PCP4L1: variants seen among roughly 807,000 people sequenced by gnomAD.
PCP4L1 encodes Purkinje cell protein 4-like protein 1.
A neutral mutation model predicts 9.6 loss-of-function variants in PCP4L1; 9 were observed. That is an observed-to-expected ratio of 0.94 (90% CI 0.57 to 1.64). PCP4L1 has a LOEUF of 1.64. Among genes scored for constraint, PCP4L1 ranks in the 40% most tolerant of loss-of-function variants. The pLI is 0.00. For synonymous variants in PCP4L1, 31 were observed against 28.2 expected (o/e 1.10, Z -0.31); for missense variants, 81 against 80.8 (o/e 1.00, Z -0.01).
intron 1 of PCP4L1, among the ~76,000 whole-genome samples, chr1:161,263,323 C>T (rs1295228343): frequency 6.6e-6 from 1 of 152,150 alleles, no homozygotes; most frequent in Non-Finnish European, 1.5e-5. Context: ...CTGCAACCTC[C>T]ACCTCCGGGG....
At chr1:161,273,337 G>C (rs1226973679) in intron 1 of PCP4L1, among the ~76,000 whole-genome samples, 3 of 152,150 alleles carry the variant, frequency 2.0e-5, no homozygotes, top group Non-Finnish European at 4.4e-5. Context: ...TTTAGTCCTG[G>C]CTGGGGAGGG....
intron 1 of PCP4L1, among the ~76,000 whole-genome samples, chr1:161,269,690 G>A (rs1669590117): frequency 1.3e-5 from 2 of 152,114 alleles, no homozygotes; most frequent in Non-Finnish European, 1.5e-5. Flanking sequence ...ACAATGTAGA[G>A]CCTTTTAGGC....
intron 1 of PCP4L1, among the ~76,000 whole-genome samples, chr1:161,280,071 C>T (rs1256962092): frequency 6.6e-6 from 1 of 152,232 alleles, no homozygotes; most frequent in Non-Finnish European, 1.5e-5. Flanking sequence ...GCCTTAATGT[C>T]TCCAGCAATC....
intron 1 of PCP4L1, among the ~76,000 whole-genome samples, chr1:161,264,297 T>C (rs1439871835): frequency 1.3e-5 from 2 of 151,286 alleles, no homozygotes; most frequent in East Asian, 4.0e-4. Context: ...GGTAGGTGGA[T>C]AACGAGGTCA....
intron 1 of PCP4L1, among the ~76,000 whole-genome samples, chr1:161,279,159 C>T (rs1467953729): frequency 6.6e-6 from 1 of 152,164 alleles, no homozygotes; most frequent in Non-Finnish European, 1.5e-5. Context: ...GATATTTCAT[C>T]TGCCCAGAGG....
intron 2 of PCP4L1, among the ~76,000 whole-genome samples, chr1:161,284,025 T>C (rs1669865551): frequency 6.6e-6 from 1 of 152,096 alleles, no homozygotes; most frequent in South Asian, 2.1e-4. Context: ...CATCAGAAAC[T>C]GAGAGAAAGC....
intron 1 of PCP4L1, among the ~76,000 whole-genome samples, chr1:161,279,965 C>A (rs532306212): frequency 6.6e-6 from 1 of 152,162 alleles, no homozygotes; most frequent in Admixed American, 6.5e-5. Flanking sequence ...CTTACTATTA[C>A]GTTTAACTCT....
At chr1:161,267,914 T>C (rs1161668598) in intron 1 of PCP4L1, among the ~76,000 whole-genome samples, 4 of 152,184 alleles carry the variant, frequency 2.6e-5, no homozygotes, top group African/African-American at 9.7e-5. Flanking sequence ...GGTTTCACCA[T>C]GTTGGCCAGG....
At chr1:161,267,704 C>T (rs1386237233) in intron 1 of PCP4L1, among the ~76,000 whole-genome samples, 1 of 101,942 alleles carries the variant, frequency 9.8e-6, no homozygotes, top group Non-Finnish European at 2.0e-5. Flanking sequence ...TACCACAATA[C>T]TATGTTTTGT....
chr1:161,263,730 C>T (rs73023879), intron 1 of PCP4L1, among the ~76,000 whole-genome samples: 1,984 of 151,162 alleles, frequency 0.013, 45 homozygotes, highest in African/African-American at 0.046. Context: ...CACAGGTACA[C>T]GTCACCATGC....
At chr1:161,262,385 G>A (rs1240944071) in intron 1 of PCP4L1, among the ~76,000 whole-genome samples, 1 of 128,630 alleles carries the variant, frequency 7.8e-6, no homozygotes, top group African/African-American at 3.0e-5. Flanking sequence ...AGTGAGCCGA[G>A]ATCGCACCAC....
At chr1:161,269,352 C>T (rs899071857) in intron 1 of PCP4L1, among the ~76,000 whole-genome samples, 11 of 152,040 alleles carry the variant, frequency 7.2e-5, no homozygotes, top group South Asian at 2.1e-4. Flanking sequence ...CTTTTTCAGG[C>T]ACATATGTTA....
At chr1:161,272,104 C>T (rs1270060874) in intron 1 of PCP4L1, among the ~76,000 whole-genome samples, 1 of 151,616 alleles carries the variant, frequency 6.6e-6, no homozygotes, top group Admixed American at 6.6e-5. Flanking sequence ...CCGTGCCCTG[C>T]CTAATTGTAC....
At chr1:161,283,218 G>A (rs1669852845) in intron 1 of PCP4L1, among the ~76,000 whole-genome samples, 1 of 152,090 alleles carries the variant, frequency 6.6e-6, no homozygotes, top group African/African-American at 2.4e-5. Flanking sequence ...AGATATCTAT[G>A]AGCCTTACTT....
chr1:161,266,594 G>A (rs1171730734), intron 1 of PCP4L1, among the ~76,000 whole-genome samples: 2 of 152,156 alleles, frequency 1.3e-5, no homozygotes, highest in African/African-American at 2.4e-5. Context: ...GGGATGGGGT[G>A]GCTAAGGGGA....
chr1:161,272,153 A>G (rs1204380131), intron 1 of PCP4L1, among the ~76,000 whole-genome samples: 1 of 150,344 alleles, frequency 6.7e-6, no homozygotes, highest in Non-Finnish European at 1.5e-5. Context: ...ATTTTGATAC[A>G]TATAACTTAT....
intron 1 of PCP4L1, among the ~76,000 whole-genome samples, chr1:161,275,033 A>C (rs1669676459): frequency 6.6e-6 from 1 of 152,146 alleles, no homozygotes; most frequent in Admixed American, 6.5e-5. Flanking sequence ...ACCAGATGGC[A>C]GCTGAGCCAC....
chr1:161,258,994 CG>C lies in PCP4L1; in HGVS notation c.9+13del, dbSNP rs1025843704. 2 of 1,531,616 alleles carry C rather than the reference CG, an allele frequency of 1.3e-6. No homozygotes were observed. The highest frequency in any genetic ancestry group is 8.7e-7 in the Non-Finnish European group (1 of 1,144,952). 94.9% of individuals were successfully genotyped at this position (1,531,616 alleles called of 1,614,324 possible). A position where few individuals can be genotyped will look rare whatever the true frequency, so the allele number is the denominator to read the frequency against. On this transcript the variant is annotated intron_variant, in intron 1 of 2. Coordinates refer to ENST00000504449, the MANE Select transcript of PCP4L1 (RefSeq NM_001102566.2). ...GCGGAGATGAGCGAGGTGAGCGGTGCGGCCCCCGGCGCTGTCGGCAGGGCTG... is the reference window on the plus strand; with the variant it reads ...GCGGAGATGAGCGAGGTGAGCGGTGCGCCCCCGGCGCTGTCGGCAGGGCTG...
At chr1:161,283,979 TAAG>T (rs1383624227) in intron 2 of PCP4L1, among the ~76,000 whole-genome samples, 25 of 152,238 alleles carry the variant, frequency 1.6e-4, no homozygotes, top group Non-Finnish European at 3.2e-4. Context: ...AGGTACAAGA[TAAG>T]AAGAAACTCA....
Sources: gnomAD v4.1 joint callset for allele counts (sites outside exome capture counted in the v4.1 genomes callset) on GRCh38, gnomAD v4.1.1 for gene constraint, MANE v1.5 for transcripts, NCBI Gene and HGNC (gene_info 2026-07-23, HGNC 2026-07-21) for gene names.